The following DACH1 variants were observed in gnomAD, a reference collection of about 807,000 sequenced individuals.
DACH1 encodes the protein dachshund family transcription factor 1.
Under a neutral mutation model 54.2 loss-of-function variants are expected in DACH1, and 12 were observed. The ratio of observed to expected loss-of-function variants is 0.22; its 90% CI spans 0.14 to 0.36. The LOEUF (loss-of-function observed/expected upper bound fraction) is 0.36, where lower values mean the gene tolerates loss of function less well. Among genes scored for constraint, DACH1 ranks in the 10% least tolerant of loss-of-function variants. The probability of loss-of-function intolerance (pLI) is 1.00; values close to 1 mark genes in which losing one functional copy is unlikely to be tolerated. For missense variants in DACH1, 805 were observed against 929.8 expected (o/e 0.87, Z 1.75); for synonymous variants, 386 against 366.2 (o/e 1.05, Z -0.62).
At chr13:71,479,134 G>C (rs1877819496) in intron 8 of DACH1, 35 bp downstream of exon 8, 2 of 1,559,256 alleles carry the variant, frequency 1.3e-6, no homozygotes, top group African/African-American at 2.7e-5. Flanking sequence ...AATATTTTCT[G>C]TAAATATTTA....
chr13:71,672,417 A>G (rs1956815844), intron 2 of DACH1, among the ~76,000 whole-genome samples: 1 of 152,088 alleles, frequency 6.6e-6, no homozygotes, highest in South Asian at 2.1e-4. Flanking sequence ...CTTTCATAGC[A>G]ATTTTACATC....
At chr13:71,811,796 C>T (rs1887724285) in intron 1 of DACH1, among the ~76,000 whole-genome samples, 1 of 152,114 alleles carries the variant, frequency 6.6e-6, no homozygotes, top group Non-Finnish European at 1.5e-5. Context: ...ATAATATCTA[C>T]ATGTGAGGAT....
chr13:71,529,409 T>A (rs976719959), intron 6 of DACH1, among the ~76,000 whole-genome samples: 1 of 151,996 alleles, frequency 6.6e-6, no homozygotes, highest in African/African-American at 2.4e-5. Context: ...ATGGTCTCCA[T>A]CTCTTGACCT....
intron 6 of DACH1, among the ~76,000 whole-genome samples, chr13:71,532,913 A>G (rs891928685): frequency 6.6e-6 from 1 of 151,958 alleles, no homozygotes; most frequent in Non-Finnish European, 1.5e-5. Context: ...TTAAATAATG[A>G]TAAGAATATA....
At chr13:71,860,214 A>G (rs1874259954) in intron 1 of DACH1, among the ~76,000 whole-genome samples, 1 of 150,280 alleles carries the variant, frequency 6.7e-6, no homozygotes, top group Non-Finnish European at 1.5e-5. Flanking sequence ...ATTTAGACAT[A>G]CGTATGTACA....
chr13:71,806,820 A>G (rs1887525024), intron 1 of DACH1, among the ~76,000 whole-genome samples: 1 of 152,192 alleles, frequency 6.6e-6, no homozygotes, highest in Non-Finnish European at 1.5e-5. Flanking sequence ...TGATTTATTT[A>G]AATTAGATCC....
chr13:71,631,179 C>T (rs528255058), intron 2 of DACH1, among the ~76,000 whole-genome samples: 2 of 152,292 alleles, frequency 1.3e-5, no homozygotes, highest in South Asian at 4.1e-4. Flanking sequence ...GTCACCATTA[C>T]CCATACATGA....
At chr13:71,528,213 A>C (rs573212782) in intron 6 of DACH1, among the ~76,000 whole-genome samples, 72 of 152,260 alleles carry the variant, frequency 4.7e-4, no homozygotes, top group Middle Eastern at 3.4e-3. Flanking sequence ...TAAGGGCAAG[A>C]AAAAGTTGTT....
chr13:71,536,441 G>T (rs1031873435), intron 6 of DACH1, among the ~76,000 whole-genome samples: 7 of 152,072 alleles, frequency 4.6e-5, no homozygotes, highest in Non-Finnish European at 1.0e-4. Flanking sequence ...ATACTTAGGA[G>T]ATTACGGACC....
chr13:71,783,979 A>C (rs932947055), intron 1 of DACH1, among the ~76,000 whole-genome samples: 2 of 147,450 alleles, frequency 1.4e-5, no homozygotes, highest in Admixed American at 6.7e-5. Context: ...AAAAAAAAAA[A>C]ACAAAAAAAA....
intron 1 of DACH1, among the ~76,000 whole-genome samples, chr13:71,711,440 G>A (rs140025212): frequency 4.1e-4 from 62 of 152,230 alleles, no homozygotes; most frequent in African/African-American, 1.5e-3. Flanking sequence ...AGGACTAGAT[G>A]ACCTCTGAAT....
chr13:71,807,419 C>CAAAAAAAA (rs10688170), intron 1 of DACH1, among the ~76,000 whole-genome samples: 3 of 99,720 alleles, frequency 3.0e-5, no homozygotes, highest in African/African-American at 4.1e-5. Flanking sequence ...TCACAGATTG[C>CAAAAAAAA]AAAAAAAAAA....
rs940057054 is a variant in DACH1 at position 71,865,038 on chromosome 13, C to T, written c.848+884G>A. ...GATCGAGAGAGAGCGCGCTCCGTGG[C>T]TTTCCTTCCTAATCTCTCCAGTTCA... is the stretch of plus-strand genomic sequence containing the variant. On this transcript the variant is annotated intron_variant, in intron 1 of 10. Transcript: ENST00000613252. 3.3e-5 allele frequency among the ~76,000 whole-genome samples: 5 copies of T among 152,246 alleles called. No individual in the cohort carries two copies. In the East Asian group the frequency reaches 5.8e-4, roughly 18 times the overall value.
rs141881952 is a variant in DACH1 at position 71,852,608 on chromosome 13, G to A, written c.848+13314C>T. 3.2e-4 allele frequency among the ~76,000 whole-genome samples: 49 copies of A among 152,272 alleles called. 1 individual carries two copies. In the East Asian group the frequency reaches 8.9e-3, roughly 28 times the overall value. On this transcript the variant is annotated intron_variant, in intron 1 of 10. Transcript: ENST00000613252. The stretch of plus-strand genomic sequence containing the variant: ...TAAGGGTAAGTTTACATTGTTTGGA[G>A]CAAAGGAATAGCGATGCTCTCTTTG...
Position 71,516,465 on chromosome 13 carries a change from C to T in DACH1, c.1571-27317G>A, listed in dbSNP as rs1322815139. 2.0e-5 allele frequency among the ~76,000 whole-genome samples: 3 copies of T among 151,968 alleles called. No individual in the cohort carries two copies. In the East Asian group the frequency reaches 5.8e-4, roughly 29 times the overall value. ...AAGGACAGTGTCCAAGATCACGTACCTGTATTTTAGCAGCATGTTTAAACT... is the reference window on the plus strand; with the variant it reads ...AAGGACAGTGTCCAAGATCACGTACTTGTATTTTAGCAGCATGTTTAAACT... On this transcript the variant is annotated intron_variant, in intron 6 of 10. Transcript: ENST00000613252.
At chr13:71,599,005 T>G (rs1874306964) in intron 3 of DACH1, among the ~76,000 whole-genome samples, 1 of 152,158 alleles carries the variant, frequency 6.6e-6, no homozygotes, top group South Asian at 2.1e-4. Context: ...CTTCTTATAT[T>G]TGGATAAATC....
At chr13:71,589,987 T>C (rs888892636) in intron 3 of DACH1, among the ~76,000 whole-genome samples, 2 of 152,074 alleles carry the variant, frequency 1.3e-5, no homozygotes, top group Non-Finnish European at 2.9e-5. Context: ...GCTGTAAATA[T>C]AGTCAGTGTT....
intron 1 of DACH1, among the ~76,000 whole-genome samples, chr13:71,818,272 A>G (rs1888045514): frequency 6.6e-6 from 1 of 152,238 alleles, no homozygotes; most frequent in Admixed American, 6.5e-5. Flanking sequence ...GTGGCCTGAT[A>G]GAAAGTATGC....
chr13:71,586,850 TACCCAA>T (rs1271553290), intron 3 of DACH1, among the ~76,000 whole-genome samples: 3 of 152,078 alleles, frequency 2.0e-5, no homozygotes, highest in African/African-American at 7.2e-5. Context: ...TGTAAAATAA[TACCCAA>T]TGTGATTATT....
Sources: allele counts gnomAD v4.1 joint callset (sites outside exome capture counted in the v4.1 genomes callset), GRCh38; gene constraint gnomAD v4.1.1; transcripts MANE v1.5; gene names NCBI Gene and HGNC (gene_info 2026-07-23, HGNC 2026-07-21).